EXD3: variants seen among roughly 807,000 people sequenced by gnomAD.
EXD3 encodes exonuclease mut-7 homolog.
EXD3 carries 92 observed loss-of-function variants against 98.0 expected under a neutral mutation model. The ratio of observed to expected loss-of-function variants is 0.94; its 90% CI spans 0.79 to 1.12. The LOEUF is 1.12. Ranked by LOEUF, EXD3 falls within the 50% of genes most tolerant of loss-of-function variation. The probability of loss-of-function intolerance (pLI) is 0.00; values close to 1 mark genes in which losing one functional copy is unlikely to be tolerated. For missense variants in EXD3, 1,222 were observed against 1,191.6 expected (o/e 1.03, Z -0.38); for synonymous variants, 569 against 526.0 (o/e 1.08, Z -1.12).
rs368220306 is a variant in EXD3, at chr9:137,330,629, A to G, written c.1999-6486T>C. On this transcript the variant is annotated intron_variant, in intron 17 of 21. Coordinates refer to ENST00000340951, the MANE Select transcript of EXD3 (RefSeq NM_017820.5). ...CTACACAGGACTACACAGGAACTACACAGGACTACACAGGAGCTACACAGG... is the reference window on the plus strand; with the variant it reads ...CTACACAGGACTACACAGGAACTACGCAGGACTACACAGGAGCTACACAGG... Among the ~76,000 whole-genome samples, 16 of 137,274 alleles carry G rather than the reference A, an allele frequency of 1.2e-4. 3 individuals are homozygous for G. The highest frequency in any genetic ancestry group is 5.4e-4 in the East Asian group (2 of 3,704). 90.1% of individuals were successfully genotyped at this position (137,274 alleles called of 152,430 possible).
rs1019875433 is a variant in EXD3, at chr9:137,423,159, C to A, written c.-93G>T. On this transcript the variant is annotated 5_prime_UTR_variant, in exon 1 of 22. Transcript: ENST00000340951. ...CACACCGTCCACGCCCGGCGCGGAA[C>A]CTTGGCCCGACCGCAGCCGCTGGCC... 1 of 151,590 alleles carries A rather than the reference C, an allele frequency of 6.6e-6. No homozygotes were observed. The highest frequency in any genetic ancestry group is 2.4e-5 in the African/African-American group (1 of 41,372). 9.4% of individuals were successfully genotyped at this position (151,590 alleles called of 1,614,324 possible).
chr9:137,368,537 C>T (rs372997866), intron 5 of EXD3, among the ~76,000 whole-genome samples: 5 of 152,188 alleles, frequency 3.3e-5, no homozygotes, highest in East Asian at 3.8e-4. Context: ...GGGGCACGGC[C>T]GGGCCCTGAC....
chr9:137,381,415 CAA>C (rs61183889), intron 3 of EXD3, among the ~76,000 whole-genome samples: 95 of 50,828 alleles, frequency 1.9e-3, no homozygotes, highest in African/African-American at 5.7e-3. Flanking sequence ...GACTCCTTCT[CAA>C]AAAAAAAAAA....
At chr9:137,396,879 C>T (rs1429630258) in intron 1 of EXD3, among the ~76,000 whole-genome samples, 1 of 152,230 alleles carries the variant, frequency 6.6e-6, no homozygotes, top group African/African-American at 2.4e-5. Flanking sequence ...CAGTGTGAGG[C>T]CACGTTTCCC....
chr9:137,309,732 C>A, intron 19 of EXD3, 32 bp from the exon 20 acceptor site: 9 of 1,521,026 alleles, frequency 5.9e-6, no homozygotes, highest in Non-Finnish European at 8.0e-6. Context: ...GAGGCCCAGG[C>A]GGGGCTTCTC....
At position 137,351,313 on chromosome 9, in the gene EXD3, C is replaced by T. The variant is rs559869849; in HGVS notation, c.1384+5G>A. On this transcript the variant is annotated splice_donor_5th_base_variant and intron_variant, in intron 13 of 21. Transcript: ENST00000340951. ...CTGGGCAGGGGGCCCCAGGGCTTCA[C>T]TCACCCAGCTTGGTGATAGAGGGGT... 3 of 1,610,074 alleles carry T rather than the reference C, an allele frequency of 1.9e-6. No homozygotes were observed. Among genetic ancestry groups the T allele is most frequent in the South Asian group, 1.1e-5 (1 of 90,684 alleles).
intron 17 of EXD3, chr9:137,345,642 A>G (rs1196269774): frequency 7.0e-6 from 1 of 142,768 alleles, no homozygotes; most frequent in Non-Finnish European, 1.5e-5. Flanking sequence ...AGCCTGGGCA[A>G]CAGAGTGAGG....
chr9:137,419,848 T>C (rs185202526), intron 1 of EXD3, among the ~76,000 whole-genome samples: 178 of 151,612 alleles, frequency 1.2e-3, no homozygotes, highest in Non-Finnish European at 2.0e-3. Flanking sequence ...TTCATGAGGA[T>C]TGTTAACCCA....
chr9:137,390,337 C>A (rs1399038578), intron 2 of EXD3, among the ~76,000 whole-genome samples: 9 of 149,796 alleles, frequency 6.0e-5, no homozygotes, highest in Admixed American at 4.7e-4. Context: ...GAGGCTGAGG[C>A]AGGAGAATGG....
rs1035409555 is a variant in EXD3 at position 137,371,278 on chromosome 9, C to T, written c.462+1627G>A. On this transcript the variant is annotated intron_variant, in intron 5 of 21. Transcript: ENST00000340951. This position sits in a 1 kb window ranked among gnomAD's most constrained non-coding sequence, Gnocchi z 8.0. Reference sequence around the variant, plus strand: ...GTCGCGCCACATGAGGGGGACCCTCCATCCTGCATTGTCCTGTGCCGGGAC... The same window carrying T: ...GTCGCGCCACATGAGGGGGACCCTCTATCCTGCATTGTCCTGTGCCGGGAC... 5.9e-5 allele frequency among the ~76,000 whole-genome samples: 9 copies of T among 152,356 alleles called. No individual in the cohort carries two copies. The highest frequency in any genetic ancestry group is 1.3e-4 in the Admixed American group (2 of 15,314).
chr9:137,338,443 T>A (rs1833476396), intron 17 of EXD3, among the ~76,000 whole-genome samples: 1 of 151,732 alleles, frequency 6.6e-6, no homozygotes, highest in African/African-American at 2.4e-5. Flanking sequence ...TATAAGAGTC[T>A]GAAAATTAAA....
intron 5 of EXD3, among the ~76,000 whole-genome samples, chr9:137,370,602 A>AG (rs1304873204): frequency 1.6e-5 from 2 of 128,356 alleles, no homozygotes; most frequent in Non-Finnish European, 3.5e-5. Context: ...TGCTGCTTTC[A>AG]GGAAAAAAAA....
chr9:137,309,784 T>C, intron 19 of EXD3, 84 bp from the exon 20 acceptor site: 3 of 1,028,906 alleles, frequency 2.9e-6, no homozygotes, highest in South Asian at 2.8e-5. Context: ...TCCTCGAAGC[T>C]CTGGGTCTGG....
At chr9:137,400,211 G>A (rs1047246097) in intron 1 of EXD3, among the ~76,000 whole-genome samples, 9 of 151,998 alleles carry the variant, frequency 5.9e-5, no homozygotes, top group Non-Finnish European at 1.2e-4. Flanking sequence ...GATACAATTC[G>A]GGTTGAGATT....
In EXD3 at chr9:137,352,069, C is replaced by T. The variant is rs367937698; in HGVS notation, c.1170G>A (p.Leu390=). The T allele has an allele frequency of 1.9e-6, 3 of 1,610,962 alleles. No individual in the cohort carries two copies. Among genetic ancestry groups the T allele is most frequent in the Admixed American group, 1.7e-5 (1 of 59,638 alleles). ...CCCCAGCGGCCGAGGGAACCACCTG[C>T]AGGAGTGCACCCTCGTGTCTGGTCA... The part of the protein sequence containing the change: ...EDLTRHEGAL[L]QCHQVVGVDV... The change falls in exon 12 of 22, where the codon CTG becomes CTA. Residue 390 remains leucine, a synonymous_variant. Coordinates refer to ENST00000340951, the MANE Select transcript of EXD3 (RefSeq NM_017820.5).
intron 1 of EXD3, among the ~76,000 whole-genome samples, chr9:137,397,772 A>T (rs893131826): frequency 6.6e-6 from 1 of 152,030 alleles, no homozygotes; most frequent in African/African-American, 2.4e-5. Flanking sequence ...AACATGGTCA[A>T]ACTGTACAAA....
rs764224843 is a variant in EXD3 at position 137,347,250 on chromosome 9, G to A, written c.1998+821C>T. Among the ~76,000 whole-genome samples, 9 of 152,192 alleles carry A rather than the reference G, an allele frequency of 5.9e-5. No homozygotes were observed. The highest frequency in any genetic ancestry group is 1.3e-4 in the Non-Finnish European group (9 of 68,044). ...TCATGGCTGAAATCACAGTGTTCGC[G>A]ACGGCAGGCTCCTCTTAGGAGACTC... On this transcript the variant is annotated intron_variant, in intron 17 of 21. Coordinates refer to ENST00000340951, the MANE Select transcript of EXD3 (RefSeq NM_017820.5). This position sits in a 1 kb window ranked among gnomAD's most constrained non-coding sequence, Gnocchi z 4.2.
intron 1 of EXD3, among the ~76,000 whole-genome samples, chr9:137,422,112 TAAAAAA>T (rs35073810): frequency 0.018 from 2,113 of 119,454 alleles, 52 homozygotes; most frequent in African/African-American, 0.062. Context: ...GTGGTGTTCT[TAAAAAA>T]AAAAAAAAAA....
chr9:137,383,111 C>G (rs984251772), intron 3 of EXD3, among the ~76,000 whole-genome samples: 2 of 152,222 alleles, frequency 1.3e-5, no homozygotes, highest in Non-Finnish European at 2.9e-5. Flanking sequence ...CCTTTACCAC[C>G]CTGGGGACTT....
Sources: allele counts gnomAD v4.1 joint callset (sites outside exome capture counted in the v4.1 genomes callset), GRCh38; gene constraint gnomAD v4.1.1; non-coding constraint Gnocchi (gnomAD v3.1); transcripts MANE v1.5; gene names NCBI Gene and HGNC (gene_info 2026-07-23, HGNC 2026-07-21).